HPSE2: variants seen among roughly 807,000 people sequenced by gnomAD.
The protein encoded by HPSE2 is heparanase 2 (inactive).
HPSE2 carries 38 observed loss-of-function variants against 60.5 expected under a neutral mutation model. The observed-to-expected ratio is 0.63, with a 90% CI of 0.48 to 0.82. The LOEUF (loss-of-function observed/expected upper bound fraction) is 0.82, where lower values mean the gene tolerates loss of function less well. Among genes scored for constraint, HPSE2 ranks in the 40% least tolerant of loss-of-function variants. The probability of loss-of-function intolerance (pLI) is 0.00; values close to 1 mark genes in which losing one functional copy is unlikely to be tolerated. For missense variants in HPSE2, 713 were observed against 740.4 expected (o/e 0.96, Z 0.43); for synonymous variants, 295 against 293.2 (o/e 1.01, Z -0.06).
chr10:98,920,899 T>C (rs900492263), intron 3 of HPSE2, among the ~76,000 whole-genome samples: 2 of 152,152 alleles, frequency 1.3e-5, no homozygotes, highest in African/African-American at 4.8e-5. Context: ...TCAGGAGAAT[T>C]TGCCTTTCCT....
At chr10:98,600,308 A>T (rs1242663644) in intron 9 of HPSE2, among the ~76,000 whole-genome samples, 1 of 152,250 alleles carries the variant, frequency 6.6e-6, no homozygotes, top group Non-Finnish European at 1.5e-5. Flanking sequence ...TTAGAAGCAG[A>T]AAAGAAAACA....
At chr10:98,640,252 G>C (rs1477651274) in intron 7 of HPSE2, among the ~76,000 whole-genome samples, 1 of 152,172 alleles carries the variant, frequency 6.6e-6, no homozygotes, top group Non-Finnish European at 1.5e-5. Flanking sequence ...CTTGCTAAAT[G>C]CTCAGTGAAT....
At chr10:98,484,516 C>T (rs930278294) in intron 10 of HPSE2, among the ~76,000 whole-genome samples, 7 of 152,332 alleles carry the variant, frequency 4.6e-5, no homozygotes, top group East Asian at 1.9e-4. Context: ...GGATTACAGG[C>T]GTTAGACACC....
intron 3 of HPSE2, among the ~76,000 whole-genome samples, chr10:98,925,108 G>A (rs1954412254): frequency 6.6e-6 from 1 of 152,188 alleles, no homozygotes; most frequent in African/African-American, 2.4e-5. Flanking sequence ...GAGGTGAGGT[G>A]GTGTCAGTGA....
chr10:98,745,420 C>T (rs1223192470), intron 3 of HPSE2, among the ~76,000 whole-genome samples: 2 of 152,086 alleles, frequency 1.3e-5, no homozygotes, highest in African/African-American at 2.4e-5. Context: ...TTCATCTTCC[C>T]CCAGTCACTC....
At chr10:99,133,734 C>G (rs557240971) in intron 3 of HPSE2, among the ~76,000 whole-genome samples, 9 of 152,244 alleles carry the variant, frequency 5.9e-5, no homozygotes, top group African/African-American at 1.9e-4. Context: ...ACATCAAAGA[C>G]CAAAGGTAGA....
chr10:98,622,852 C>A (rs985773307), intron 7 of HPSE2, among the ~76,000 whole-genome samples: 74 of 152,040 alleles, frequency 4.9e-4, no homozygotes, highest in Non-Finnish European at 9.4e-4. Context: ...TCATGCCCAA[C>A]TCAAGGGAAG....
intron 9 of HPSE2, among the ~76,000 whole-genome samples, chr10:98,549,091 A>C (rs1251971983): frequency 6.6e-6 from 1 of 152,094 alleles, no homozygotes; most frequent in Non-Finnish European, 1.5e-5. Flanking sequence ...GCAACCTCAA[A>C]ATCTTTATTA....
chr10:99,258,653 G>A, the HPSE2 span, among the ~76,000 whole-genome samples: 1 of 152,288 alleles, frequency 6.6e-6, no homozygotes, highest in East Asian at 1.9e-4. Context: ...AGTAATCAAG[G>A]CAATGTATTA....
intron 2 of HPSE2, among the ~76,000 whole-genome samples, chr10:99,213,536 T>C (rs1849019654): frequency 6.6e-6 from 1 of 152,158 alleles, no homozygotes; most frequent in Admixed American, 6.5e-5. Context: ...CAACTTCAGT[T>C]TGAGGCATAT....
At chr10:99,243,849 T>C in the HPSE2 span, among the ~76,000 whole-genome samples, 5 of 152,156 alleles carry the variant, frequency 3.3e-5, no homozygotes, top group Admixed American at 1.3e-4. Flanking sequence ...CGCAGGAGAA[T>C]TGCTTGAACC....
intron 3 of HPSE2, among the ~76,000 whole-genome samples, chr10:98,819,404 T>C (rs1951368129): frequency 6.7e-6 from 1 of 148,196 alleles, no homozygotes; most frequent in Non-Finnish European, 1.5e-5. Flanking sequence ...CTTTTTCAAT[T>C]AGGTTCTACA....
At chr10:98,959,525 G>C (rs1024174065) in intron 3 of HPSE2, among the ~76,000 whole-genome samples, 2 of 152,106 alleles carry the variant, frequency 1.3e-5, no homozygotes, top group Non-Finnish European at 2.9e-5. Flanking sequence ...TCAAAGCACT[G>C]TTTGTGCCCA....
chr10:98,697,952 T>C (rs2134182225), intron 5 of HPSE2, among the ~76,000 whole-genome samples: 1 of 150,444 alleles, frequency 6.6e-6, no homozygotes, highest in South Asian at 2.1e-4. Flanking sequence ...ATCCTAAATA[T>C]ATATGCACCC....
chr10:98,997,759 G>A (rs1281480789), intron 3 of HPSE2, among the ~76,000 whole-genome samples: 1 of 152,338 alleles, frequency 6.6e-6, no homozygotes, highest in African/African-American at 2.4e-5. Context: ...CATCTGGCCT[G>A]CAACATGGCA....
chr10:98,464,252 T>C (rs1940432104), intron 11 of HPSE2, among the ~76,000 whole-genome samples: 1 of 152,254 alleles, frequency 6.6e-6, no homozygotes, highest in Admixed American at 6.5e-5. Flanking sequence ...AGGTATCATG[T>C]ACTTTTTAAG....
chr10:98,585,315 A>G (rs1417770382), intron 9 of HPSE2, among the ~76,000 whole-genome samples: 2 of 149,108 alleles, frequency 1.3e-5, no homozygotes, highest in Non-Finnish European at 3.0e-5. Flanking sequence ...TCTATCACCT[A>G]GGCTGGAGTA....
At chr10:98,520,480 T>C (rs1942753165) in intron 9 of HPSE2, among the ~76,000 whole-genome samples, 1 of 152,150 alleles carries the variant, frequency 6.6e-6, no homozygotes, top group Admixed American at 6.6e-5. Flanking sequence ...CTATACTGTC[T>C]ATGCTTTCAC....
chr10:99,310,012 G>A, the HPSE2 span, among the ~76,000 whole-genome samples: 1 of 152,158 alleles, frequency 6.6e-6, no homozygotes. Flanking sequence ...AAAAGCCCTA[G>A]GGGAAAATTC....
Sources: allele counts gnomAD v4.1 joint callset (sites outside exome capture counted in the v4.1 genomes callset), GRCh38; gene constraint gnomAD v4.1.1; transcripts MANE v1.5; gene names NCBI Gene and HGNC (gene_info 2026-07-23, HGNC 2026-07-21).